RIPOR3: variants seen among roughly 807,000 people sequenced by gnomAD.
The protein encoded by RIPOR3 is RIPOR family member 3.
RIPOR3 carries 95 observed loss-of-function variants against 114.3 expected under a neutral mutation model. The observed-to-expected ratio is 0.83, with a 90% confidence interval of 0.70 to 0.99. The LOEUF (loss-of-function observed/expected upper bound fraction) is 0.99. Ranked by LOEUF, RIPOR3 falls within the 50% of genes least tolerant of loss-of-function variation. The probability of loss-of-function intolerance (pLI) is 0.00; values close to 1 mark genes in which losing one functional copy is unlikely to be tolerated. For synonymous variants in RIPOR3, 575 were observed against 543.8 expected (o/e 1.06, Z -0.80); for missense variants, 1,252 against 1,266.9 (o/e 0.99, Z 0.18).
chr20:50,599,689 C>G (rs769313740), intron 13 of RIPOR3, among the ~76,000 whole-genome samples: 66 of 152,120 alleles, frequency 4.3e-4, no homozygotes, highest in Non-Finnish European at 7.6e-4. Flanking sequence ...AAAGCATTGC[C>G]TCGCTTGACC....
chr20:50,680,900 C>T (rs990474013), intron 1 of RIPOR3, among the ~76,000 whole-genome samples: 4 of 152,114 alleles, frequency 2.6e-5, no homozygotes, highest in African/African-American at 7.2e-5. Flanking sequence ...GAACATATTC[C>T]GGGGAAATTT....
Position 50,691,192 on chromosome 20 carries a change from A to C in RIPOR3, c.-64T>G. 1 of 1,289,042 alleles carries C rather than the reference A, an allele frequency of 7.8e-7. No individual in the cohort carries two copies. Among genetic ancestry groups the C allele is most frequent in the Non-Finnish European group, 1.0e-6 (1 of 988,674 alleles). 79.9% of individuals were successfully genotyped at this position (1,289,042 alleles called of 1,614,324 possible). A position where few individuals can be genotyped will look rare whatever the true frequency, so the allele number is the denominator to read the frequency against. Reference sequence around the variant, plus strand: ...TCCTTGCAGCTGCCTCACTTTCCCTATTGCCGCCAGCAAGCGTCTGCTCCC... The same window carrying C: ...TCCTTGCAGCTGCCTCACTTTCCCTCTTGCCGCCAGCAAGCGTCTGCTCCC... On this transcript the variant is annotated 5_prime_UTR_variant, in exon 1 of 22. It removes the in-frame stop codon of an upstream open reading frame in the 5' UTR. Coordinates refer to ENST00000327979, the MANE Select transcript of RIPOR3 (RefSeq NM_001290268.2).
intron 14 of RIPOR3, chr20:50,597,024 G>A (rs2083317702): frequency 1.3e-5 from 2 of 152,926 alleles, no homozygotes; most frequent in South Asian, 4.1e-4. Context: ...GAAATGTAGT[G>A]GTGCCATCTT....
In RIPOR3 at chr20:50,602,054, G is replaced by GACT; in HGVS notation, c.1659+17_1659+18insAGT. The GACT allele has an allele frequency of 6.7e-7, 1 of 1,488,048 alleles. No individual in the cohort carries two copies. The highest frequency in any genetic ancestry group is 8.9e-7 in the Non-Finnish European group (1 of 1,121,036). 92.2% of individuals were successfully genotyped at this position (1,488,048 alleles called of 1,614,324 possible). ...CATCAGCAAAGCAGGGCCACCGCCC[G>GACT]GGGCGGGGTGGCCATACCTTCAGCC... On this transcript the variant is annotated intron_variant, in intron 13 of 21. Coordinates refer to ENST00000327979, the MANE Select transcript of RIPOR3 (RefSeq NM_001290268.2). The surrounding 1 kb of genome is among the most constrained non-coding windows in gnomAD (Gnocchi z 4.3).
chr20:50,661,749 C>G (rs1361315692), intron 1 of RIPOR3, among the ~76,000 whole-genome samples: 1 of 152,138 alleles, frequency 6.6e-6, no homozygotes, highest in Admixed American at 6.6e-5. Context: ...AAGGGCAGGT[C>G]GGGGCCTGGG....
At chr20:50,632,494 G>A (rs1046918840) in intron 1 of RIPOR3, among the ~76,000 whole-genome samples, 3 of 152,176 alleles carry the variant, frequency 2.0e-5, no homozygotes, top group South Asian at 2.1e-4. Flanking sequence ...AGAAGTGAGC[G>A]GCTTCTAGCC....
At chr20:50,606,696 C>T (rs555466295) in intron 11 of RIPOR3, among the ~76,000 whole-genome samples, 2 of 151,498 alleles carry the variant, frequency 1.3e-5, no homozygotes, top group Non-Finnish European at 2.9e-5. Flanking sequence ...CATGCTCGGG[C>T]CCACTCCCAC....
chr20:50,587,801 C>G lies in RIPOR3; in HGVS notation c.2752+1G>C. Reference sequence around the variant, plus strand: ...GCTGCACAGTTTGTGCCACTTTTTACCGAACGACAGTGTGGTTTCCCGGGC... The same window carrying G: ...GCTGCACAGTTTGTGCCACTTTTTAGCGAACGACAGTGTGGTTTCCCGGGC... On this transcript the variant is annotated splice_donor_variant, in intron 21 of 21. Transcript: ENST00000327979. LOFTEE classifies it high-confidence loss of function. The G allele has an allele frequency of 6.2e-7, 1 of 1,614,176 alleles. No individual in the cohort carries two copies. The highest frequency in any genetic ancestry group is 1.1e-5 in the South Asian group (1 of 91,082).
At chr20:50,685,653 C>T (rs774796198) in intron 1 of RIPOR3, among the ~76,000 whole-genome samples, 3 of 118,542 alleles carry the variant, frequency 2.5e-5, no homozygotes, top group Non-Finnish European at 3.7e-5. Flanking sequence ...GCGAAACCCC[C>T]GTCTCTACTA....
intron 1 of RIPOR3, among the ~76,000 whole-genome samples, chr20:50,654,434 T>G (rs1038333479): frequency 4.4e-5 from 6 of 135,404 alleles, no homozygotes; most frequent in African/African-American, 1.4e-4. Context: ...TTTTTTTTTT[T>G]TTTTTTTTTT....
intron 2 of RIPOR3, among the ~76,000 whole-genome samples, chr20:50,623,834 G>T (rs118033961): frequency 1.3e-5 from 2 of 152,094 alleles, no homozygotes; most frequent in East Asian, 3.9e-4. Flanking sequence ...TAGGAGACAG[G>T]TATTATTCTT....
chr20:50,666,923 C>T (rs2086267858), intron 1 of RIPOR3, among the ~76,000 whole-genome samples: 1 of 152,268 alleles, frequency 6.6e-6, no homozygotes, highest in Admixed American at 6.5e-5. Context: ...TCCTGGGGAG[C>T]TATCTTACGG....
In RIPOR3 at chr20:50,602,680, C is replaced by A; in HGVS notation, c.1087-36G>T. ...GACACGGGAGCGGCCTCACCAGCCA[C>A]CCCAGGGACCACAGCAAGTCCCCCA... On this transcript the variant is annotated intron_variant, in intron 12 of 21. Transcript: ENST00000327979. The surrounding 1 kb of genome is among the most constrained non-coding windows in gnomAD (Gnocchi z 4.3). 4 of 1,408,864 alleles carry A rather than the reference C, an allele frequency of 2.8e-6. No individual in the cohort carries two copies. The highest frequency in any genetic ancestry group is 1.4e-5 in the African/African-American group (1 of 69,296). The allele number at this position is 1,408,864 out of a possible 1,614,324, so 87.3% of individuals were successfully genotyped here.
chr20:50,665,589 T>G (rs1388042670), intron 1 of RIPOR3, among the ~76,000 whole-genome samples: 1 of 151,810 alleles, frequency 6.6e-6, no homozygotes, highest in African/African-American at 2.4e-5. Context: ...CTGGGCTAAT[T>G]TTTTGTATCT....
At chr20:50,590,171 G>C (rs551009042) in intron 19 of RIPOR3, among the ~76,000 whole-genome samples, 1 of 152,356 alleles carries the variant, frequency 6.6e-6, no homozygotes, top group East Asian at 1.9e-4. Context: ...TTGGGCCAGA[G>C]GGAAACCTGC....
chr20:50,618,974 G>A (rs1244147086), intron 3 of RIPOR3, among the ~76,000 whole-genome samples: 1 of 152,192 alleles, frequency 6.6e-6, no homozygotes, highest in Non-Finnish European at 1.5e-5. Context: ...ACTCTGGGAG[G>A]CCGAGATGGA....
At chr20:50,598,716 C>T (rs2083389614) in intron 13 of RIPOR3, among the ~76,000 whole-genome samples, 1 of 152,016 alleles carries the variant, frequency 6.6e-6, no homozygotes, top group Admixed American at 6.6e-5. Flanking sequence ...ACCAGCCTGG[C>T]CAACATGATG....
At chr20:50,669,512 A>G (rs1470067089) in intron 1 of RIPOR3, among the ~76,000 whole-genome samples, 1 of 152,214 alleles carries the variant, frequency 6.6e-6, no homozygotes, top group Non-Finnish European at 1.5e-5. Flanking sequence ...AAAGAGGACC[A>G]TGGCAGATCT....
At chr20:50,632,756 T>C (rs909590871) in intron 1 of RIPOR3, among the ~76,000 whole-genome samples, 2 of 152,176 alleles carry the variant, frequency 1.3e-5, no homozygotes, top group Admixed American at 6.5e-5. Flanking sequence ...ATTCCATAGA[T>C]GAGGAAACTG....
Sources: gnomAD v4.1 joint callset for allele counts (sites outside exome capture counted in the v4.1 genomes callset) on GRCh38, gnomAD v4.1.1 for gene constraint, Gnocchi (gnomAD v3.1) non-coding constraint, MANE v1.5 for transcripts, NCBI Gene and HGNC (gene_info 2026-07-23, HGNC 2026-07-21) for gene names.